NRG2: variants seen among roughly 807,000 people sequenced by gnomAD.
NRG2 encodes pro-neuregulin-2, membrane-bound isoform.
A neutral mutation model predicts 73.9 loss-of-function variants in NRG2; 27 were observed. The ratio of observed to expected loss-of-function variants is 0.37; its 90% CI spans 0.27 to 0.50. The LOEUF (loss-of-function observed/expected upper bound fraction) is 0.50, where lower values mean the gene tolerates loss of function less well. NRG2 is among the 20% of genes least tolerant of loss of function. The pLI, the probability that NRG2 is intolerant of heterozygous loss-of-function variation, is 0.96. For missense variants in NRG2, 1,126 were observed against 1,210.1 expected, an observed-to-expected ratio of 0.93 and a Z score of 1.03; for synonymous variants, 532 against 541.0, an observed-to-expected ratio of 0.98 and a Z score of 0.23.
Position 139,963,235 on chromosome 5 carries a change from G to A in NRG2, c.701-75724C>T, listed in dbSNP as rs531250667. Among the ~76,000 whole-genome samples the A allele has an allele frequency of 2.6e-5, 4 of 152,320 alleles. No homozygotes were observed. In the East Asian group the frequency reaches 7.7e-4, roughly 29 times the overall value. The stretch of plus-strand genomic sequence containing the variant: ...CTAAATTCACTGAACAACCTGACAT[G>A]ATATATTTATAACCACCATCCACGG... On this transcript the variant is annotated intron_variant, in intron 1 of 9. Coordinates refer to ENST00000361474, the MANE Select transcript of NRG2 (RefSeq NM_004883.3).
chr5:139,969,932 TA>T (rs1755846871), intron 1 of NRG2, among the ~76,000 whole-genome samples: 1 of 152,142 alleles, frequency 6.6e-6, no homozygotes, highest in South Asian at 2.1e-4. Flanking sequence ...ATAATATAAA[TA>T]AAGCAATAAA....
At chr5:139,996,040 GA>G (rs1161521054) in intron 1 of NRG2, among the ~76,000 whole-genome samples, 1 of 152,022 alleles carries the variant, frequency 6.6e-6, no homozygotes, top group African/African-American at 2.4e-5. Context: ...AGAAAGAAAA[GA>G]AGGGAAAACA....
intron 5 of NRG2, among the ~76,000 whole-genome samples, chr5:139,857,713 T>A (rs1761894102): frequency 6.6e-6 from 1 of 152,050 alleles, no homozygotes; most frequent in African/African-American, 2.4e-5. Flanking sequence ...CCTGCTTCCT[T>A]ACCCTCTTTT....
chr5:139,879,997 T>C (rs1763425429), intron 3 of NRG2, among the ~76,000 whole-genome samples: 3 of 152,068 alleles, frequency 2.0e-5, no homozygotes, highest in Non-Finnish European at 4.4e-5. Flanking sequence ...TGGGAGGCTG[T>C]CTGGTGGAAA....
In NRG2 at chr5:139,889,338, T is replaced by C. The variant is rs1449762717; in HGVS notation, c.701-1827A>G. On this transcript the variant is annotated intron_variant, in intron 1 of 9. Transcript: ENST00000361474. Reference sequence around the variant, plus strand: ...TCCATTGAATATATATATATAAACATATATTTTGACAGATATTAACATGAT... The same window carrying C: ...TCCATTGAATATATATATATAAACACATATTTTGACAGATATTAACATGAT... Among the ~76,000 whole-genome samples, 4 of 152,176 alleles carry C rather than the reference T, an allele frequency of 2.6e-5. No homozygotes were observed. In the East Asian group the frequency reaches 5.8e-4, roughly 22 times the overall value.
chr5:139,943,824 AG>A (rs933232416), intron 1 of NRG2, among the ~76,000 whole-genome samples: 1 of 152,240 alleles, frequency 6.6e-6, no homozygotes, highest in African/African-American at 2.4e-5. Flanking sequence ...TCACTGCAGC[AG>A]TGCAGTGAGG....
At chr5:139,952,811 G>A (rs1412347724) in intron 1 of NRG2, among the ~76,000 whole-genome samples, 2 of 152,130 alleles carry the variant, frequency 1.3e-5, no homozygotes, top group East Asian at 3.9e-4. Flanking sequence ...GTGTGTATGT[G>A]TGCAGCTCCA....
At chr5:139,884,851 A>G (rs1354140554) in intron 2 of NRG2, among the ~76,000 whole-genome samples, 1 of 152,218 alleles carries the variant, frequency 6.6e-6, no homozygotes, top group Non-Finnish European at 1.5e-5. Flanking sequence ...GGAGTGGCCA[A>G]GAGTGGGACA....
chr5:139,946,281 A>C (rs1190429856), intron 1 of NRG2, among the ~76,000 whole-genome samples: 2 of 152,144 alleles, frequency 1.3e-5, no homozygotes, highest in African/African-American at 4.8e-5. Context: ...CAATAGAATA[A>C]AATTGAGAAT....
At chr5:139,972,786 T>A (rs1443161786) in intron 1 of NRG2, among the ~76,000 whole-genome samples, 2 of 152,078 alleles carry the variant, frequency 1.3e-5, no homozygotes, top group African/African-American at 4.8e-5. Flanking sequence ...TATACAGCAT[T>A]TATCAAAATA....
At position 139,851,687 on chromosome 5, in the gene NRG2, G is replaced by A. The variant is rs1159530493; in HGVS notation, c.1689C>T (p.Tyr563=). ...TGGCCCTGCGCCGCTCCTCCAGGTT[G>A]TAGGCTGCTGCCCGCCTTGCCCGGG... ...VEARARRAAA[Y]NLEERRRATA... is the part of the protein sequence containing the mutation. Residue 563 remains tyrosine, a synonymous_variant, in exon 9 of 10, where the codon TAC becomes TAT. Coordinates refer to ENST00000361474, the MANE Select transcript of NRG2 (RefSeq NM_004883.3). This position sits in a 1 kb window ranked among gnomAD's most constrained non-coding sequence, Gnocchi z 4.2. The A allele has an allele frequency of 1.9e-6, 3 of 1,614,140 alleles. No individual in the cohort carries two copies. The highest frequency in any genetic ancestry group is 2.5e-6 in the Non-Finnish European group (3 of 1,180,012).
intron 1 of NRG2, among the ~76,000 whole-genome samples, chr5:140,002,759 G>C (rs1012926774): frequency 2.6e-5 from 4 of 152,202 alleles, no homozygotes; most frequent in Admixed American, 1.3e-4. Context: ...GTTCAGAATA[G>C]ACCGAAGAGG....
intron 1 of NRG2, among the ~76,000 whole-genome samples, chr5:140,013,029 G>A (rs991847300): frequency 2.0e-5 from 3 of 152,064 alleles, no homozygotes; most frequent in African/African-American, 7.2e-5. Flanking sequence ...TACTCTTCTA[G>A]ATGACTACTT....
intron 1 of NRG2, among the ~76,000 whole-genome samples, chr5:139,994,860 A>G (rs1167119140): frequency 2.0e-5 from 3 of 152,158 alleles, no homozygotes; most frequent in Non-Finnish European, 4.4e-5. Context: ...GCCAGCCTGT[A>G]AATGTATTTG....
chr5:139,886,574 C>T (rs901516248), intron 2 of NRG2, among the ~76,000 whole-genome samples: 6 of 152,232 alleles, frequency 3.9e-5, no homozygotes, highest in African/African-American at 7.2e-5. Flanking sequence ...ACAGAGCAGA[C>T]ATCAGGTAGA....
chr5:140,011,810 T>A (rs1326444377), intron 1 of NRG2, among the ~76,000 whole-genome samples: 2 of 152,232 alleles, frequency 1.3e-5, no homozygotes, highest in Non-Finnish European at 2.9e-5. Flanking sequence ...TAAATGTTTG[T>A]TGTTTTAACC....
intron 2 of NRG2, among the ~76,000 whole-genome samples, chr5:139,885,599 G>T (rs1041459080): frequency 6.6e-6 from 1 of 152,148 alleles, no homozygotes; most frequent in African/African-American, 2.4e-5. Context: ...GCAGCAGCGT[G>T]GAGGGACAGC....
Position 139,865,518 on chromosome 5 carries a change from C to G in NRG2, c.1189+31G>C. 1.3e-6 allele frequency: 2 copies of G among 1,578,848 alleles called. No individual in the cohort carries two copies. Among genetic ancestry groups the G allele is most frequent in the Non-Finnish European group, 1.7e-6 (2 of 1,148,890 alleles). On this transcript the variant is annotated intron_variant, in intron 5 of 9. Coordinates refer to ENST00000361474, the MANE Select transcript of NRG2 (RefSeq NM_004883.3). The surrounding 1 kb of genome is among the most constrained non-coding windows in gnomAD (Gnocchi z 5.2). ...CTGCACCCAGAAGCTTTCTAAGGAG[C>G]AGGGACTTGTGTTTGTATCTTCAAA...
At chr5:139,968,074 G>A (rs1373832471) in intron 1 of NRG2, among the ~76,000 whole-genome samples, 1 of 152,142 alleles carries the variant, frequency 6.6e-6, no homozygotes, top group Non-Finnish European at 1.5e-5. Context: ...AGGGGGAGGA[G>A]GCCATGCTGA....
Sources: allele counts gnomAD v4.1 joint callset (sites outside exome capture counted in the v4.1 genomes callset), GRCh38; gene constraint gnomAD v4.1.1; non-coding constraint Gnocchi (gnomAD v3.1); transcripts MANE v1.5; gene names NCBI Gene and HGNC (gene_info 2026-07-23, HGNC 2026-07-21).